The following COL25A1 variants were observed in gnomAD, a reference collection of about 807,000 sequenced individuals.
COL25A1 encodes collagen alpha-1(XXV) chain.
Under a neutral mutation model 128.4 loss-of-function variants are expected in COL25A1, and 103 were observed. That is an observed-to-expected ratio of 0.80 (90% CI 0.68 to 0.94). The LOEUF (loss-of-function observed/expected upper bound fraction) is 0.94. Among genes scored for constraint, COL25A1 ranks in the 40% least tolerant of loss-of-function variants. The pLI is 0.00. For synonymous variants in COL25A1, 279 were observed against 277.2 expected, an observed-to-expected ratio of 1.01 and a Z score of -0.06; for missense variants, 745 against 840.0, an observed-to-expected ratio of 0.89 and a Z score of 1.40.
At chr4:108,906,499 T>C (rs1386143060) in intron 13 of COL25A1, among the ~76,000 whole-genome samples, 2 of 152,214 alleles carry the variant, frequency 1.3e-5, no homozygotes, top group African/African-American at 4.8e-5. Context: ...CCGCCTAAGA[T>C]ACAACCTTGT....
chr4:108,975,788 T>C (rs1018821750), intron 6 of COL25A1, among the ~76,000 whole-genome samples: 2 of 152,190 alleles, frequency 1.3e-5, no homozygotes, highest in Non-Finnish European at 2.9e-5. Context: ...AATATACTTA[T>C]TGACCATTTT....
rs1772673090 is a variant in COL25A1, at chr4:109,162,506, TC to T, written c.368-112328del. 2.6e-5 allele frequency among the ~76,000 whole-genome samples: 4 copies of T among 152,312 alleles called. No homozygotes were observed. In the South Asian group the frequency reaches 8.3e-4, roughly 32 times the overall value. Reference sequence around the variant, plus strand: ...TTTGTTTCCTACATAGCAGTGTGACTCCCTAAAATCATTTTTATTTACCTAC... The same window carrying T: ...TTTGTTTCCTACATAGCAGTGTGACTCCTAAAATCATTTTTATTTACCTAC... On this transcript the variant is annotated intron_variant, in intron 3 of 37. Coordinates refer to ENST00000399132, the MANE Select transcript of COL25A1 (RefSeq NM_198721.4).
intron 8 of COL25A1, among the ~76,000 whole-genome samples, chr4:108,951,471 C>T (rs934650345): frequency 3.3e-5 from 5 of 151,354 alleles, no homozygotes; most frequent in East Asian, 1.9e-4. Flanking sequence ...CTGCAACCTC[C>T]GCCTCCCAGG....
At chr4:109,228,753 T>C (rs1055934473) in intron 3 of COL25A1, among the ~76,000 whole-genome samples, 2 of 152,170 alleles carry the variant, frequency 1.3e-5, no homozygotes, top group Non-Finnish European at 2.9e-5. Context: ...CAGATCCCTT[T>C]CTTGACCAGA....
chr4:108,884,540 C>T (rs884049), intron 18 of COL25A1, among the ~76,000 whole-genome samples: 115,355 of 152,108 alleles, frequency 0.76, 44,171 homozygotes, highest in East Asian at 1. Flanking sequence ...TTAAATGATT[C>T]GGTGGGGAGG....
At chr4:109,281,847 G>A (rs140195389) in intron 3 of COL25A1, among the ~76,000 whole-genome samples, 1,781 of 152,074 alleles carry the variant, frequency 0.012, 32 homozygotes, top group African/African-American at 0.04. Flanking sequence ...ACTATAAGAG[G>A]GTGTTTTCTT....
In COL25A1 at chr4:109,015,396, C is replaced by T. The variant is rs561953474; in HGVS notation, c.421-5021G>A. Among the ~76,000 whole-genome samples, 7 of 152,184 alleles carry T rather than the reference C, an allele frequency of 4.6e-5. No homozygotes were observed. The East Asian group carries it at 9.7e-4, about 21-fold the overall frequency. ...TATGATTAAGGGTCACAAAACACAC[C>T]GTAAGTTGCCTTTTTAAAAATGGAA... On this transcript the variant is annotated intron_variant, in intron 5 of 37. Coordinates refer to ENST00000399132, the MANE Select transcript of COL25A1 (RefSeq NM_198721.4).
intron 24 of COL25A1, among the ~76,000 whole-genome samples, chr4:108,857,580 A>AAC (rs1553952191): frequency 6.7e-6 from 1 of 150,360 alleles, no homozygotes; most frequent in African/African-American, 2.4e-5. Context: ...AAAAAAAAAA[A>AAC]CGACTTAGTG....
chr4:108,900,405 T>A (rs1247297064), intron 14 of COL25A1, among the ~76,000 whole-genome samples: 1 of 152,186 alleles, frequency 6.6e-6, no homozygotes, highest in Non-Finnish European at 1.5e-5. Context: ...CTGACAGGCA[T>A]CTGTGGGTAC....
intron 3 of COL25A1, among the ~76,000 whole-genome samples, chr4:109,058,057 G>A (rs1378897023): frequency 6.6e-6 from 1 of 152,118 alleles, no homozygotes; most frequent in South Asian, 2.1e-4. Context: ...GGTTATCTTT[G>A]TTGCTGTTTT....
chr4:109,100,046 T>G (rs1560691623), intron 3 of COL25A1, among the ~76,000 whole-genome samples: 1 of 152,096 alleles, frequency 6.6e-6, no homozygotes, highest in Admixed American at 6.6e-5. Flanking sequence ...ATATTAAGAC[T>G]ATTGAAAAGA....
chr4:108,859,593 C>G, intron 24 of COL25A1, 63 bp downstream of exon 24: 1 of 1,406,282 alleles, frequency 7.1e-7, no homozygotes, highest in South Asian at 1.2e-5. Context: ...TATTTGCACA[C>G]ATTACATGGG....
At chr4:109,086,297 G>A (rs1398346102) in intron 3 of COL25A1, among the ~76,000 whole-genome samples, 4 of 152,064 alleles carry the variant, frequency 2.6e-5, no homozygotes, top group Non-Finnish European at 5.9e-5. Flanking sequence ...AAACATTCTG[G>A]TACCAACAAA....
At chr4:108,905,736 A>G (rs1348983775) in intron 13 of COL25A1, among the ~76,000 whole-genome samples, 2 of 152,028 alleles carry the variant, frequency 1.3e-5, no homozygotes, top group Non-Finnish European at 2.9e-5. Flanking sequence ...AGGAAGGAGT[A>G]CTATCAGTAT....
rs145117433 is a variant in COL25A1, at chr4:109,288,400, C to T, written c.367+12183G>A. Among the ~76,000 whole-genome samples the T allele has an allele frequency of 2.5e-3, 377 of 152,216 alleles. 4 individuals carry two copies. The highest frequency in any genetic ancestry group is 8.4e-3 in the African/African-American group (347 of 41,536). ...GACAGGAGCATGGAATTGATTTACTCACAAATATTTTCTTTTCTAATCACA... is the reference window on the plus strand; with the variant it reads ...GACAGGAGCATGGAATTGATTTACTTACAAATATTTTCTTTTCTAATCACA... On this transcript the variant is annotated intron_variant, in intron 3 of 37. Transcript: ENST00000399132.
chr4:108,830,244 G>T (rs1434938622), intron 32 of COL25A1, among the ~76,000 whole-genome samples: 1 of 152,166 alleles, frequency 6.6e-6, no homozygotes, highest in East Asian at 1.9e-4. Flanking sequence ...GAGTTCCAAA[G>T]CCAAATGAAG....
chr4:108,953,315 A>G (rs112699866), intron 8 of COL25A1, among the ~76,000 whole-genome samples: 1,539 of 152,194 alleles, frequency 0.01, 17 homozygotes, highest in Admixed American at 0.023. Flanking sequence ...TCAAATCCTA[A>G]TTTTGTAGTT....
rs543725972 is a variant in COL25A1 at position 109,182,871 on chromosome 4, G to A, written c.367+117712C>T. ...AACTTTTGATGCTACAATATAAGGG[G>A]AAAAAAGGTTTCCTATTAACCTTTC... On this transcript the variant is annotated intron_variant, in intron 3 of 37. Coordinates refer to ENST00000399132, the MANE Select transcript of COL25A1 (RefSeq NM_198721.4). Among the ~76,000 whole-genome samples, 11 of 151,966 alleles carry A rather than the reference G, an allele frequency of 7.2e-5. No homozygotes were observed. In the South Asian group the frequency reaches 2.1e-3, roughly 29 times the overall value.
At chr4:109,048,671 TA>T (rs1760691560) in intron 4 of COL25A1, among the ~76,000 whole-genome samples, 1 of 152,190 alleles carries the variant, frequency 6.6e-6, no homozygotes, top group African/African-American at 2.4e-5. Context: ...TAAGTTTCTT[TA>T]AAACCATCAA....
Sources: allele counts gnomAD v4.1 joint callset (sites outside exome capture counted in the v4.1 genomes callset), GRCh38; gene constraint gnomAD v4.1.1; transcripts MANE v1.5; gene names NCBI Gene and HGNC (gene_info 2026-07-23, HGNC 2026-07-21).